The following CDH22 variants were observed in gnomAD, a reference collection of about 807,000 sequenced individuals.
CDH22 encodes the protein cadherin 22, also known as cadherin-22.
Under a neutral mutation model 58.4 loss-of-function variants are expected in CDH22, and 30 were observed. The observed-to-expected ratio is 0.51, with a 90% CI of 0.38 to 0.70. The LOEUF is 0.70. CDH22 is among the 30% of genes least tolerant of loss of function. CDH22 has a pLI of 0.00. For missense variants in CDH22, 1,014 were observed against 1,233.9 expected (o/e 0.82, Z 2.67); for synonymous variants, 513 against 558.2 (o/e 0.92, Z 1.14).
intron 1 of CDH22, among the ~76,000 whole-genome samples, chr20:46,304,912 C>T (rs1458694350): frequency 1.3e-5 from 2 of 152,214 alleles, no homozygotes; most frequent in African/African-American, 4.8e-5. Flanking sequence ...AAGATGCCCC[C>T]TCCTCCAGGC....
At chr20:46,285,051 C>T (rs2086569897) in intron 1 of CDH22, among the ~76,000 whole-genome samples, 1 of 152,178 alleles carries the variant, frequency 6.6e-6, no homozygotes, top group South Asian at 2.1e-4. Context: ...TCATTCATCC[C>T]CAACAGCCCC....
intron 1 of CDH22, among the ~76,000 whole-genome samples, chr20:46,270,457 A>G (rs2086481241): frequency 6.6e-6 from 1 of 152,076 alleles, no homozygotes; most frequent in Non-Finnish European, 1.5e-5. Flanking sequence ...CAAGCGATAG[A>G]GCTGGCAGAT....
chr20:46,213,064 G>T lies in CDH22; in HGVS notation c.963C>A (p.Ser321Arg). 1 of 1,614,176 alleles carries T rather than the reference G, an allele frequency of 6.2e-7. No homozygotes were observed. Among genetic ancestry groups the T allele is most frequent in the South Asian group, 1.1e-5 (1 of 91,082 alleles). ...DMTYHLKDES[S>R]SGGDVFKVTT... ...TGACCTTGAACACATCGCCGCCGCT[G>T]CTGCTCTCGTCCTTAAGGTGGTAAG... Residue 321 changes from serine to arginine, a missense_variant, in exon 6 of 12, where the codon AGC (serine) becomes AGA (arginine). By Grantham distance (110) the Ser-to-Arg change is moderately radical. Coordinates refer to ENST00000537909, the MANE Select transcript of CDH22 (RefSeq NM_021248.3).
In CDH22 at chr20:46,257,575, C is replaced by A. The variant is rs144202811; in HGVS notation, c.-399-5882G>T. Among the ~76,000 whole-genome samples, 4 of 152,220 alleles carry A rather than the reference C, an allele frequency of 2.6e-5. No homozygotes were observed. In the East Asian group the frequency reaches 7.7e-4, roughly 29 times the overall value. On this transcript the variant is annotated intron_variant, in intron 1 of 11. Transcript: ENST00000537909. The stretch of plus-strand genomic sequence containing the variant: ...GTTTCCTTTCATTCAGAGCTGAAGA[C>A]GGCAGGAAGAGCAGATTTGGGGGGT...
rs553570577 is a variant in CDH22, at chr20:46,275,100, C to T, written c.-399-23407G>A. Among the ~76,000 whole-genome samples, 9 of 152,290 alleles carry T rather than the reference C, an allele frequency of 5.9e-5. No homozygotes were observed. In the East Asian group the frequency reaches 1.2e-3, roughly 20 times the overall value. ...ATTTTAGAGCATGTAAATTATACCTCAATAAAGCTTTTGGAAAAAGTGGCC... is the reference window on the plus strand; with the variant it reads ...ATTTTAGAGCATGTAAATTATACCTTAATAAAGCTTTTGGAAAAAGTGGCC... On this transcript the variant is annotated intron_variant, in intron 1 of 11. Coordinates refer to ENST00000537909, the MANE Select transcript of CDH22 (RefSeq NM_021248.3).
At chr20:46,214,442 G>A (rs1600700110) in intron 5 of CDH22, among the ~76,000 whole-genome samples, 1 of 152,126 alleles carries the variant, frequency 6.6e-6, no homozygotes, top group Non-Finnish European at 1.5e-5. Context: ...TCTGAAACAC[G>A]AGATGAACAT....
At chr20:46,302,166 G>A (rs886994366) in intron 1 of CDH22, among the ~76,000 whole-genome samples, 1 of 152,146 alleles carries the variant, frequency 6.6e-6, no homozygotes, top group Non-Finnish European at 1.5e-5. Context: ...CTAGACCCTA[G>A]GGAGGAAAAA....
At chr20:46,214,448 A>C (rs1196623792) in intron 5 of CDH22, among the ~76,000 whole-genome samples, 1 of 152,132 alleles carries the variant, frequency 6.6e-6, no homozygotes, top group Non-Finnish European at 1.5e-5. Context: ...ACACGAGATG[A>C]ACATGCCACT....
intron 7 of CDH22, among the ~76,000 whole-genome samples, chr20:46,200,687 G>T (rs1568656246): frequency 6.6e-6 from 1 of 152,168 alleles, no homozygotes; most frequent in Non-Finnish European, 1.5e-5. Context: ...GCAAAGGCGC[G>T]GCGGCTGAGA....
At chr20:46,293,607 G>A (rs192287469) in intron 1 of CDH22, among the ~76,000 whole-genome samples, 6 of 152,186 alleles carry the variant, frequency 3.9e-5, no homozygotes, top group East Asian at 1.9e-4. Flanking sequence ...CCTATTCCAC[G>A]AAGTCCTCTG....
At chr20:46,276,475 G>C (rs140002527) in intron 1 of CDH22, among the ~76,000 whole-genome samples, 103 of 152,232 alleles carry the variant, frequency 6.8e-4, no homozygotes, top group African/African-American at 2.4e-3. Flanking sequence ...GCAAAGAGAG[G>C]GATAAGGAAG....
chr20:46,210,361 G>T lies in CDH22; in HGVS notation c.1232C>A (p.Ser411Tyr). ...CCGCGCCGTCACCACGCCGACCAGG[G>T]AGCCCACCTGCGCGTCCTCCTGCAC... is the stretch of plus-strand genomic sequence containing the variant. ...LEVQEDAQVG[S>Y]LVGVVTARDP... The change falls in exon 7 of 12, where the codon TCC (serine) becomes TAC (tyrosine). Residue 411 changes from serine to tyrosine, a missense_variant. Ser to Tyr is a moderately radical substitution (Grantham distance 144). Around this residue, in one of 2 missense-constraint regions of CDH22, gnomAD observed 806 missense variants for 1,038.7 expected, o/e 0.78. Transcript: ENST00000537909. This position sits in a 1 kb window ranked among gnomAD's most constrained non-coding sequence, Gnocchi z 4.5. 6.8e-7 allele frequency: 1 copy of T among 1,474,826 alleles called. No homozygotes were observed. 91.4% of individuals were successfully genotyped at this position (1,474,826 alleles called of 1,614,324 possible). A position where few individuals can be genotyped will look rare whatever the true frequency, so the allele number is the denominator to read the frequency against.
intron 7 of CDH22, among the ~76,000 whole-genome samples, chr20:46,202,932 G>A (rs566835263): frequency 8.5e-5 from 13 of 152,298 alleles, no homozygotes; most frequent in Admixed American, 3.3e-4. Context: ...GCGAGAGGCC[G>A]GGCTGATGGG....
intron 1 of CDH22, among the ~76,000 whole-genome samples, chr20:46,302,129 G>A (rs562878144): frequency 1.1e-3 from 165 of 152,348 alleles, no homozygotes; most frequent in Admixed American, 3.0e-3. Flanking sequence ...TGAATGGAGT[G>A]AGTGCAGCTT....
At chr20:46,257,151 A>G (rs2086410514) in intron 1 of CDH22, among the ~76,000 whole-genome samples, 2 of 151,024 alleles carry the variant, frequency 1.3e-5, no homozygotes, top group Non-Finnish European at 1.5e-5. Context: ...CTACAAAAAA[A>G]TAGAAAAATT....
At chr20:46,223,976 C>A (rs150656886) in intron 4 of CDH22, among the ~76,000 whole-genome samples, 220 of 152,164 alleles carry the variant, frequency 1.4e-3, no homozygotes, top group African/African-American at 5.1e-3. Flanking sequence ...GCCTCAACCT[C>A]CCGAGTAGCT....
At chr20:46,278,509 A>T (rs1394564849) in intron 1 of CDH22, among the ~76,000 whole-genome samples, 1 of 152,160 alleles carries the variant, frequency 6.6e-6, no homozygotes, top group African/African-American at 2.4e-5. Context: ...CCTAGAGATG[A>T]CCTAGACAGA....
In CDH22 at chr20:46,210,416, C is replaced by G; in HGVS notation, c.1177G>C (p.Glu393Gln). The change falls in exon 7 of 12, where the codon GAG (glutamate) becomes CAG (glutamine). Residue 393 changes from glutamate to glutamine, a missense_variant. Physicochemically the swap from Glu to Gln is conservative, Grantham distance 29. Transcript: ENST00000537909. The surrounding 1 kb of genome is among the most constrained non-coding windows in gnomAD (Gnocchi z 4.5). Reference protein sequence around the residue: ...VAVTDVDEPPEFRPPSGLLEV... With the variant: ...VAVTDVDEPPQFRPPSGLLEV... Reference sequence around the variant, plus strand: ...AGGAGGCCGGAGGGCGGCCGGAACTCGGGGGGCTCGTCCACGTCGGTCACG... The same window carrying G: ...AGGAGGCCGGAGGGCGGCCGGAACTGGGGGGGCTCGTCCACGTCGGTCACG... The G allele has an allele frequency of 6.9e-7, 1 of 1,458,784 alleles. No individual in the cohort carries two copies. Among genetic ancestry groups the G allele is most frequent in the East Asian group, 2.8e-5 (1 of 35,990 alleles). 90.4% of individuals were successfully genotyped at this position (1,458,784 alleles called of 1,614,324 possible). A position where few individuals can be genotyped will look rare whatever the true frequency, so the allele number is the denominator to read the frequency against.
chr20:46,219,299 G>A (rs1414721789), intron 4 of CDH22, among the ~76,000 whole-genome samples: 3 of 152,208 alleles, frequency 2.0e-5, no homozygotes, highest in Non-Finnish European at 4.4e-5. Flanking sequence ...AGTCTTGGCA[G>A]TGGATTGCCT....
Sources: gnomAD v4.1 joint callset for allele counts (sites outside exome capture counted in the v4.1 genomes callset) on GRCh38, gnomAD v4.1.1 for gene constraint, gnomAD v4.1.1 regional missense constraint, Gnocchi (gnomAD v3.1) non-coding constraint, MANE v1.5 for transcripts, NCBI Gene and HGNC (gene_info 2026-07-23, HGNC 2026-07-21) for gene names.